The following CTNND2 variants were observed in gnomAD, a reference collection of about 807,000 sequenced individuals.
CTNND2 encodes catenin delta-2.
In CTNND2, 22 loss-of-function variants were observed where a neutral mutation model predicts 144.4. The observed-to-expected ratio is 0.15, with a 90% CI of 0.11 to 0.22. CTNND2 has a LOEUF of 0.22. CTNND2 is among the 10% of genes least tolerant of loss of function. CTNND2 has a pLI of 1.00. For synonymous variants in CTNND2, 751 were observed against 695.6 expected (o/e 1.08, Z -1.25); for missense variants, 1,353 against 1,618.8 (o/e 0.84, Z 2.82).
intron 3 of CTNND2, among the ~76,000 whole-genome samples, chr5:11,547,203 G>T (rs2150078484): frequency 6.6e-6 from 1 of 151,992 alleles, no homozygotes; most frequent in East Asian, 1.9e-4. Context: ...TGGAGGCGGA[G>T]GTTGCGGTGA....
At chr5:11,437,947 G>A (rs1349069801) in intron 3 of CTNND2, among the ~76,000 whole-genome samples, 1 of 152,160 alleles carries the variant, frequency 6.6e-6, no homozygotes, top group Non-Finnish European at 1.5e-5. Flanking sequence ...GTCTGGCGGA[G>A]GGGCAGTTCC....
intron 1 of CTNND2, among the ~76,000 whole-genome samples, chr5:11,840,837 T>C (rs1316400113): frequency 6.6e-6 from 1 of 152,164 alleles, no homozygotes; most frequent in Admixed American, 6.5e-5. Context: ...TGCCCATGTA[T>C]CTATACATTC....
intron 9 of CTNND2, among the ~76,000 whole-genome samples, chr5:11,307,194 C>T (rs533711756): frequency 3.4e-4 from 51 of 152,226 alleles, no homozygotes; most frequent in African/African-American, 1.2e-3. Flanking sequence ...TTCCACATCC[C>T]ATACCCAGAA....
At chr5:11,534,449 CA>C (rs1002236900) in intron 3 of CTNND2, among the ~76,000 whole-genome samples, 1 of 151,884 alleles carries the variant, frequency 6.6e-6, no homozygotes, top group Non-Finnish European at 1.5e-5. Flanking sequence ...CCAAAAAGTA[CA>C]AAAAATTAGC....
At chr5:11,106,788 C>T (rs2905991) in intron 14 of CTNND2, among the ~76,000 whole-genome samples, 38,829 of 151,950 alleles carry the variant, frequency 0.26, 5,296 homozygotes, top group African/African-American at 0.35. Context: ...GACTACAATC[C>T]CCAGCCTCCC....
intron 1 of CTNND2, among the ~76,000 whole-genome samples, chr5:11,810,502 G>A (rs2126907432): frequency 6.6e-6 from 1 of 152,164 alleles, no homozygotes; most frequent in South Asian, 2.1e-4. Flanking sequence ...TGCATTAAAA[G>A]TTTAAATGTG....
At chr5:11,516,042 G>C (rs771825558) in intron 3 of CTNND2, among the ~76,000 whole-genome samples, 1 of 151,978 alleles carries the variant, frequency 6.6e-6, no homozygotes, top group Non-Finnish European at 1.5e-5. Flanking sequence ...GGGAGATTGA[G>C]GCTGCAGTGT....
At chr5:11,327,809 G>A (rs1348472667) in intron 9 of CTNND2, among the ~76,000 whole-genome samples, 4 of 152,196 alleles carry the variant, frequency 2.6e-5, no homozygotes, top group Admixed American at 1.3e-4. Flanking sequence ...AGATTCTGAT[G>A]TAGTAAATGT....
chr5:11,354,249 T>A (rs1755634263), intron 8 of CTNND2, among the ~76,000 whole-genome samples: 1 of 152,242 alleles, frequency 6.6e-6, no homozygotes, highest in Non-Finnish European at 1.5e-5. Context: ...TCTGCCATCT[T>A]AAGCACTAAA....
intron 12 of CTNND2, among the ~76,000 whole-genome samples, chr5:11,153,211 G>A (rs1290331966): frequency 2.0e-5 from 3 of 152,026 alleles, no homozygotes; most frequent in Non-Finnish European, 4.4e-5. Context: ...GCAGTGAGCC[G>A]AGATCATGCC....
chr5:11,248,448 G>A (rs968810531), intron 9 of CTNND2, among the ~76,000 whole-genome samples: 7 of 151,972 alleles, frequency 4.6e-5, no homozygotes, highest in Non-Finnish European at 1.0e-4. Context: ...CATATAGTAT[G>A]TGTGTGTTTG....
At chr5:11,533,609 C>T (rs1323242181) in intron 3 of CTNND2, among the ~76,000 whole-genome samples, 1 of 152,238 alleles carries the variant, frequency 6.6e-6, no homozygotes, top group Admixed American at 6.5e-5. Flanking sequence ...CATGAAGCTT[C>T]CTGTCCCTGG....
At chr5:11,356,816 T>A (rs1755934651) in intron 8 of CTNND2, among the ~76,000 whole-genome samples, 1 of 150,944 alleles carries the variant, frequency 6.6e-6, no homozygotes, top group Non-Finnish European at 1.5e-5. Context: ...TATAAGAAAC[T>A]GCAACAACTC....
intron 1 of CTNND2, among the ~76,000 whole-genome samples, chr5:11,882,915 T>C (rs1053505462): frequency 6.6e-6 from 1 of 152,180 alleles, no homozygotes; most frequent in Non-Finnish European, 1.5e-5. Flanking sequence ...CATATTAATT[T>C]TAACATATTA....
intron 1 of CTNND2, among the ~76,000 whole-genome samples, chr5:11,738,343 A>T (rs1306150692): frequency 6.6e-6 from 1 of 152,230 alleles, no homozygotes; most frequent in Admixed American, 6.5e-5. Context: ...CAGCAAAAGC[A>T]GTTAGGCCCT....
At chr5:11,865,307 G>T (rs1286823092) in intron 1 of CTNND2, among the ~76,000 whole-genome samples, 1 of 152,136 alleles carries the variant, frequency 6.6e-6, no homozygotes, top group Non-Finnish European at 1.5e-5. Flanking sequence ...TATATTGCTT[G>T]GAAGTTCTCT....
intron 1 of CTNND2, among the ~76,000 whole-genome samples, chr5:11,811,219 A>G (rs996874265): frequency 1.3e-5 from 2 of 152,182 alleles, no homozygotes; most frequent in African/African-American, 4.8e-5. Flanking sequence ...TCCAAAGACC[A>G]GGCTCTTTCT....
intron 2 of CTNND2, among the ~76,000 whole-genome samples, chr5:11,622,619 T>C (rs1224688179): frequency 6.6e-6 from 1 of 152,114 alleles, no homozygotes; most frequent in Non-Finnish European, 1.5e-5. Context: ...AGATTGACTA[T>C]AGCTCTGTCA....
intron 12 of CTNND2, among the ~76,000 whole-genome samples, chr5:11,149,491 T>C (rs1308365957): frequency 1.3e-5 from 2 of 152,220 alleles, no homozygotes; most frequent in Non-Finnish European, 2.9e-5. Context: ...CTAACGCAGC[T>C]ACTTTCTGGT....
Sources: gnomAD v4.1 joint callset for allele counts (sites outside exome capture counted in the v4.1 genomes callset) on GRCh38, gnomAD v4.1.1 for gene constraint, MANE v1.5 for transcripts, NCBI Gene and HGNC (gene_info 2026-07-23, HGNC 2026-07-21) for gene names.